The following ITSN1 variants were observed in gnomAD, a reference collection of about 807,000 sequenced individuals.
The protein encoded by ITSN1 is intersectin-1.
Under a neutral mutation model 239.8 loss-of-function variants are expected in ITSN1, and 58 were observed. The ratio of observed to expected loss-of-function variants is 0.24; its 90% CI spans 0.20 to 0.30. The LOEUF (loss-of-function observed/expected upper bound fraction) is 0.30, where lower values mean the gene tolerates loss of function less well. ITSN1 is among the 10% of genes least tolerant of loss of function. The pLI is 1.00. For missense variants in ITSN1, 1,558 were observed against 2,103.3 expected, an observed-to-expected ratio of 0.74 and a Z score of 5.07; for synonymous variants, 780 against 770.8, an observed-to-expected ratio of 1.01 and a Z score of -0.20.
intron 14 of ITSN1, among the ~76,000 whole-genome samples, chr21:33,780,883 A>G (rs1266291731): frequency 6.6e-6 from 1 of 152,122 alleles, no homozygotes; most frequent in Non-Finnish European, 1.5e-5. Flanking sequence ...TGTGTCAGTT[A>G]AAAAAATAGT....
At chr21:33,711,169 ATTTG>A (rs1419821874) in intron 1 of ITSN1, among the ~76,000 whole-genome samples, 3 of 152,022 alleles carry the variant, frequency 2.0e-5, no homozygotes, top group Non-Finnish European at 4.4e-5. Flanking sequence ...TTTCCAAGAA[ATTTG>A]TTTCTTTTAT....
At chr21:33,662,066 G>A (rs538426707) in intron 1 of ITSN1, among the ~76,000 whole-genome samples, 12 of 152,226 alleles carry the variant, frequency 7.9e-5, no homozygotes, top group African/African-American at 2.6e-4. Context: ...AGTTTAGAGT[G>A]CATTATGCTG....
At chr21:33,855,233 T>C (rs1030384308) in intron 29 of ITSN1, among the ~76,000 whole-genome samples, 1 of 152,208 alleles carries the variant, frequency 6.6e-6, no homozygotes, top group Non-Finnish European at 1.5e-5. Flanking sequence ...AACAATCCTC[T>C]GGAGAGCTTG....
At chr21:33,830,236 C>T (rs1424161740) in intron 27 of ITSN1, among the ~76,000 whole-genome samples, 1 of 152,142 alleles carries the variant, frequency 6.6e-6, no homozygotes, top group South Asian at 2.1e-4. Flanking sequence ...CAGATACTTC[C>T]TATAAGTCTC....
In ITSN1 at chr21:33,874,135, A is replaced by G. The variant is rs540092578; in HGVS notation, c.4174-1219A>G. 3.3e-5 allele frequency among the ~76,000 whole-genome samples: 5 copies of G among 149,832 alleles called. No homozygotes were observed. In the South Asian group the frequency reaches 1.1e-3, roughly 32 times the overall value. On this transcript the variant is annotated intron_variant, in intron 33 of 39. Transcript: ENST00000381318. ...AGCGCCACTGCATTCCAGCCTGGGC[A>G]ACAAGAGCAAAACTCCGTCTCAAAA...
chr21:33,882,193 A>T lies in ITSN1; in HGVS notation c.4342-50A>T. The stretch of plus-strand genomic sequence containing the variant: ...ATTCTGATGGAGCCCATGCTTTCAG[A>T]TGCGGAGAAACAAAAATGCTACACT... On this transcript the variant is annotated intron_variant, in intron 34 of 39. Transcript: ENST00000381318. The surrounding 1 kb of genome is among the most constrained non-coding windows in gnomAD (Gnocchi z 4.5). 1 of 1,526,538 alleles carries T rather than the reference A, an allele frequency of 6.6e-7. No individual in the cohort carries two copies. Among genetic ancestry groups the T allele is most frequent in the Non-Finnish European group, 9.0e-7 (1 of 1,109,854 alleles). 94.6% of individuals were successfully genotyped at this position (1,526,538 alleles called of 1,614,324 possible).
intron 7 of ITSN1, among the ~76,000 whole-genome samples, chr21:33,752,128 T>G (rs538837419): frequency 2.6e-5 from 4 of 152,164 alleles, no homozygotes; most frequent in African/African-American, 9.6e-5. Flanking sequence ...AACATTTCCT[T>G]AAAGGCTTTG....
intron 1 of ITSN1, among the ~76,000 whole-genome samples, chr21:33,645,559 T>C (rs1037400245): frequency 1.3e-5 from 2 of 152,180 alleles, no homozygotes; most frequent in African/African-American, 4.8e-5. Context: ...TGGGAGGATC[T>C]GGTTCGCTTG....
chr21:33,755,248 C>A, intron 7 of ITSN1, 49 bp from the exon 8 acceptor site: 1 of 1,064,528 alleles, frequency 9.4e-7, no homozygotes, highest in Non-Finnish European at 1.4e-6. Context: ...CTTTACCAGG[C>A]TGTTCCTTAT....
intron 1 of ITSN1, among the ~76,000 whole-genome samples, chr21:33,679,251 C>T (rs2090784221): frequency 1.3e-5 from 2 of 152,010 alleles, no homozygotes; most frequent in Non-Finnish European, 2.9e-5. Context: ...CATATATATG[C>T]ATAGTATTTG....
intron 6 of ITSN1, 152 bp from the exon 7 acceptor site, chr21:33,751,658 G>A (rs2067562866): frequency 3.2e-6 from 2 of 620,338 alleles, no homozygotes; most frequent in African/African-American, 1.9e-5. Flanking sequence ...AGGACAGAGG[G>A]TAAGGAGGGA....
chr21:33,776,544 C>CAA (rs34789155), intron 14 of ITSN1, among the ~76,000 whole-genome samples: 52 of 88,752 alleles, frequency 5.9e-4, no homozygotes, highest in African/African-American at 1.3e-3. Flanking sequence ...AGACCCTGTT[C>CAA]AAAAAAAAAA....
At chr21:33,818,217 G>A in intron 22 of ITSN1, 50 bp from the exon 23 acceptor site, 1 of 1,525,350 alleles carries the variant, frequency 6.6e-7, no homozygotes, top group Non-Finnish European at 9.1e-7. Flanking sequence ...TGCCCTAATT[G>A]ATAACAAAGC....
intron 29 of ITSN1, among the ~76,000 whole-genome samples, chr21:33,839,780 C>A (rs2074760325): frequency 6.6e-6 from 1 of 152,230 alleles, no homozygotes; most frequent in Non-Finnish European, 1.5e-5. Context: ...CCCCAGGAAG[C>A]TGTGCTTTCC....
chr21:33,747,461 A>T (rs995253264), intron 5 of ITSN1, among the ~76,000 whole-genome samples: 4 of 152,172 alleles, frequency 2.6e-5, no homozygotes, highest in African/African-American at 9.7e-5. Flanking sequence ...TTTGGTGAAA[A>T]GCAATAGTCT....
chr21:33,751,135 A>C (rs1296126243), intron 6 of ITSN1, among the ~76,000 whole-genome samples: 1 of 152,168 alleles, frequency 6.6e-6, no homozygotes, highest in Non-Finnish European at 1.5e-5. Flanking sequence ...TGTCACATGT[A>C]GTTCATCTTG....
chr21:33,746,656 C>A (rs1011350283), intron 5 of ITSN1, among the ~76,000 whole-genome samples: 4 of 152,128 alleles, frequency 2.6e-5, no homozygotes, highest in African/African-American at 9.7e-5. Flanking sequence ...ACCTGGCCAA[C>A]ATGATGAAAC....
At chr21:33,741,491 A>T (rs549338240) in intron 5 of ITSN1, among the ~76,000 whole-genome samples, 1 of 152,210 alleles carries the variant, frequency 6.6e-6, no homozygotes, top group South Asian at 2.1e-4. Flanking sequence ...CGTGAACTGT[A>T]AACCAGTCAT....
rs1014242390 is a variant in ITSN1 at position 33,866,000 on chromosome 21, A to T, written c.4074+666A>T. Among the ~76,000 whole-genome samples the T allele has an allele frequency of 2.0e-5, 3 of 152,148 alleles. No individual in the cohort carries two copies. Among genetic ancestry groups the T allele is most frequent in the African/African-American group, 7.2e-5 (3 of 41,432 alleles). On this transcript the variant is annotated intron_variant, in intron 32 of 39. Coordinates refer to ENST00000381318, the MANE Select transcript of ITSN1 (RefSeq NM_003024.3). The surrounding 1 kb of genome is among the most constrained non-coding windows in gnomAD (Gnocchi z 4.4). ...TTCAAACAGCCCCCACATCTCCTGG[A>T]GAAAAAAAGGAGGAAGAGAATAAAA...
Sources: gnomAD v4.1 joint callset for allele counts (sites outside exome capture counted in the v4.1 genomes callset) on GRCh38, gnomAD v4.1.1 for gene constraint, Gnocchi (gnomAD v3.1) non-coding constraint, MANE v1.5 for transcripts, NCBI Gene and HGNC (gene_info 2026-07-23, HGNC 2026-07-21) for gene names.